LMBR1: variants seen among roughly 807,000 people sequenced by gnomAD.
LMBR1 encodes limb region 1 protein homolog.
A neutral mutation model predicts 73.9 loss-of-function variants in LMBR1; 52 were observed. The ratio of observed to expected loss-of-function variants is 0.70; its 90% CI spans 0.56 to 0.89. The LOEUF (loss-of-function observed/expected upper bound fraction) is 0.89, where lower values mean the gene tolerates loss of function less well. Ranked by LOEUF, LMBR1 falls within the 40% of genes least tolerant of loss-of-function variation. The pLI is 0.00. For missense variants in LMBR1, 539 were observed against 579.8 expected, an observed-to-expected ratio of 0.93 and a Z score of 0.72; for synonymous variants, 215 against 209.4, an observed-to-expected ratio of 1.03 and a Z score of -0.23.
At chr7:156,773,068 C>T (rs1825495558) in intron 5 of LMBR1, among the ~76,000 whole-genome samples, 2 of 151,884 alleles carry the variant, frequency 1.3e-5, no homozygotes, top group Non-Finnish European at 2.9e-5. Flanking sequence ...AGACCAATAA[C>T]ATCCAAGAAT....
chr7:156,717,717 A>G (rs1303283967), intron 15 of LMBR1, among the ~76,000 whole-genome samples: 2 of 152,248 alleles, frequency 1.3e-5, no homozygotes, highest in African/African-American at 4.8e-5. Flanking sequence ...TTATTTCAAA[A>G]CATTTTCTTC....
chr7:156,789,154 T>C (rs1828736114), intron 5 of LMBR1, among the ~76,000 whole-genome samples: 1 of 152,246 alleles, frequency 6.6e-6, no homozygotes, highest in African/African-American at 2.4e-5. Context: ...ATCATTTCAA[T>C]ATATTGAATC....
At chr7:156,706,812 C>A (rs1402694483) in intron 15 of LMBR1, among the ~76,000 whole-genome samples, 1 of 151,060 alleles carries the variant, frequency 6.6e-6, no homozygotes, top group Non-Finnish European at 1.5e-5. Context: ...AATGTCATAC[C>A]TCAAGGAACT....
At chr7:156,801,563 A>G (rs1830978752) in intron 4 of LMBR1, among the ~76,000 whole-genome samples, 1 of 152,182 alleles carries the variant, frequency 6.6e-6, no homozygotes, top group African/African-American at 2.4e-5. Flanking sequence ...GGATACGTTA[A>G]GATGCTATCT....
intron 10 of LMBR1, among the ~76,000 whole-genome samples, chr7:156,733,103 C>T (rs999687133): frequency 1.3e-5 from 2 of 152,114 alleles, no homozygotes; most frequent in African/African-American, 2.4e-5. Flanking sequence ...TGAGATCGCA[C>T]CATTGCACTC....
At chr7:156,814,749 A>C (rs919135115) in intron 4 of LMBR1, among the ~76,000 whole-genome samples, 22 of 152,350 alleles carry the variant, frequency 1.4e-4, no homozygotes, top group African/African-American at 4.8e-4. Context: ...CAGTTTCCTC[A>C]GGTATGCAAT....
chr7:156,715,004 T>C (rs1031321660), intron 15 of LMBR1, among the ~76,000 whole-genome samples: 10 of 150,946 alleles, frequency 6.6e-5, no homozygotes, highest in Admixed American at 6.0e-4. Flanking sequence ...CAGGCTGGAG[T>C]GCAGTGGCAC....
intron 4 of LMBR1, among the ~76,000 whole-genome samples, chr7:156,814,422 T>C (rs1833579888): frequency 6.6e-6 from 1 of 152,240 alleles, no homozygotes; most frequent in African/African-American, 2.4e-5. Context: ...ACAAAACATG[T>C]CTGCATTTGT....
At chr7:156,696,434 A>C (rs1479727309) in intron 15 of LMBR1, among the ~76,000 whole-genome samples, 1 of 152,256 alleles carries the variant, frequency 6.6e-6, no homozygotes. Context: ...GAAAATATGC[A>C]ACAGTGTATT....
At position 156,680,555 on chromosome 7, in the gene LMBR1, C is replaced by A. The variant is rs924632670; in HGVS notation, c.*3523G>T. 1 of 152,302 alleles carries A rather than the reference C, an allele frequency of 6.6e-6. No individual in the cohort carries two copies. The highest frequency in any genetic ancestry group is 1.5e-5 in the Non-Finnish European group (1 of 68,190). The allele number at this position is 152,302 out of a possible 1,614,324, so 9.4% of individuals were successfully genotyped here. ...ACTCTGGGTTAAGCTGTCCAGACCA[C>A]AAGTAGGTGCTGTTCAGTCCTTTTA... is the stretch of plus-strand genomic sequence containing the variant. On this transcript the variant is annotated 3_prime_UTR_variant, in exon 17 of 17. Transcript: ENST00000353442.
At chr7:156,788,822 TGGATCAC>T (rs1315110560) in intron 5 of LMBR1, among the ~76,000 whole-genome samples, 1 of 152,122 alleles carries the variant, frequency 6.6e-6, no homozygotes, top group Non-Finnish European at 1.5e-5. Flanking sequence ...CCAAGGCAGG[TGGATCAC>T]CTGAGGTCAG....
intron 4 of LMBR1, among the ~76,000 whole-genome samples, chr7:156,801,038 GA>G (rs1204386345): frequency 6.6e-6 from 1 of 152,186 alleles, no homozygotes; most frequent in Non-Finnish European, 1.5e-5. Flanking sequence ...GAACATTGTG[GA>G]AATGACAATA....
intron 1 of LMBR1, among the ~76,000 whole-genome samples, chr7:156,880,540 CACAG>C (rs1444604876): frequency 1.3e-5 from 2 of 151,978 alleles, no homozygotes; most frequent in African/African-American, 4.8e-5. Flanking sequence ...TTAAAGAAGG[CACAG>C]ACAAAGGGAA....
rs112807440 is a variant in LMBR1, at chr7:156,739,889, CCAAA to C, written c.758-5636_758-5633del. 2.4e-3 allele frequency among the ~76,000 whole-genome samples: 363 copies of C among 152,132 alleles called. 4 individuals are homozygous for C. The highest frequency in any genetic ancestry group is 8.4e-3 in the African/African-American group (350 of 41,482). ...GACCATCCAGGAAAACATGACCTCA[CCAAA>C]CAAACTAAATGAGGCACCAGGGACC... On this transcript the variant is annotated intron_variant, in intron 9 of 16. Coordinates refer to ENST00000353442, the MANE Select transcript of LMBR1 (RefSeq NM_022458.4).
At chr7:156,695,207 G>A (rs1808032126) in intron 15 of LMBR1, among the ~76,000 whole-genome samples, 1 of 152,202 alleles carries the variant, frequency 6.6e-6, no homozygotes, top group Non-Finnish European at 1.5e-5. Flanking sequence ...TTCTTAGGAG[G>A]CTTAGGCAGG....
intron 15 of LMBR1, among the ~76,000 whole-genome samples, chr7:156,697,553 C>A (rs1207206984): frequency 6.6e-6 from 1 of 152,096 alleles, no homozygotes; most frequent in Non-Finnish European, 1.5e-5. Flanking sequence ...GGAATGCATT[C>A]TTTTCCCAAG....
chr7:156,696,652 C>T (rs1808348409), intron 15 of LMBR1, among the ~76,000 whole-genome samples: 1 of 152,198 alleles, frequency 6.6e-6, no homozygotes, highest in African/African-American at 2.4e-5. Context: ...GAGACTTATT[C>T]ACCATCACAA....
chr7:156,733,453 C>T (rs1585438647), intron 10 of LMBR1, among the ~76,000 whole-genome samples: 1 of 151,578 alleles, frequency 6.6e-6, no homozygotes, highest in Non-Finnish European at 1.5e-5. Flanking sequence ...ATAGAAGATA[C>T]AAAACAGGCC....
intron 15 of LMBR1, among the ~76,000 whole-genome samples, chr7:156,701,998 T>C (rs1809845704): frequency 6.6e-6 from 1 of 152,266 alleles, no homozygotes; most frequent in Non-Finnish European, 1.5e-5. Context: ...ATGGTGTATA[T>C]GTACCACATT....
Sources: allele counts gnomAD v4.1 joint callset (sites outside exome capture counted in the v4.1 genomes callset), GRCh38; gene constraint gnomAD v4.1.1; transcripts MANE v1.5; gene names NCBI Gene and HGNC (gene_info 2026-07-23, HGNC 2026-07-21).